The following GFRA2 variants were observed in gnomAD, a reference collection of about 807,000 sequenced individuals.
GFRA2 encodes the protein GDNF family receptor alpha 2.
In GFRA2, 17 loss-of-function variants were observed where a neutral mutation model predicts 48.3. The observed-to-expected ratio is 0.35, with a 90% CI of 0.24 to 0.53. The LOEUF is 0.53. GFRA2 is among the 20% of genes least tolerant of loss of function. GFRA2 has a pLI of 0.93. For missense variants in GFRA2, 660 were observed against 637.3 expected (o/e 1.04, Z -0.38); for synonymous variants, 305 against 257.2 (o/e 1.19, Z -1.78).
intron 4 of GFRA2, among the ~76,000 whole-genome samples, chr8:21,748,974 G>A (rs1349554543): frequency 2.0e-5 from 3 of 151,998 alleles, no homozygotes; most frequent in Admixed American, 6.6e-5. Flanking sequence ...TCAGGTCAAG[G>A]CCCCCTCCTC....
chr8:21,771,942 C>T (rs1806456799), intron 3 of GFRA2, among the ~76,000 whole-genome samples: 2 of 152,122 alleles, frequency 1.3e-5, no homozygotes, highest in African/African-American at 4.8e-5. Context: ...AATGCCAAAG[C>T]TCTAGTGCAG....
chr8:21,751,120 G>C (rs547570369), intron 3 of GFRA2, among the ~76,000 whole-genome samples, 178 bp from the exon 4 acceptor site: 90 of 152,170 alleles, frequency 5.9e-4, no homozygotes, highest in Non-Finnish European at 1.2e-3. Flanking sequence ...CTAAAGCTGT[G>C]GTGAGGAGTA....
At chr8:21,719,039 G>A (rs1370630146) in intron 4 of GFRA2, among the ~76,000 whole-genome samples, 1 of 152,082 alleles carries the variant, frequency 6.6e-6, no homozygotes, top group East Asian at 1.9e-4. Context: ...CATCCAGCCT[G>A]GAGCTCACCC....
At chr8:21,725,578 C>T (rs950603749) in intron 4 of GFRA2, among the ~76,000 whole-genome samples, 1 of 152,212 alleles carries the variant, frequency 6.6e-6, no homozygotes, top group Non-Finnish European at 1.5e-5. Flanking sequence ...ATAATAATAA[C>T]TAACAATTTT....
At chr8:21,701,435 T>G (rs1009763744) in intron 7 of GFRA2, among the ~76,000 whole-genome samples, 3 of 152,148 alleles carry the variant, frequency 2.0e-5, no homozygotes, top group Non-Finnish European at 4.4e-5. Context: ...TAATTAAAAC[T>G]GAATCAGAGG....
At chr8:21,787,280 G>C (rs1446831134) in intron 1 of GFRA2, among the ~76,000 whole-genome samples, 1 of 149,994 alleles carries the variant, frequency 6.7e-6, no homozygotes, top group Non-Finnish European at 1.5e-5. Flanking sequence ...GGCAGTGGGG[G>C]GGGTTTGCAG....
At chr8:21,723,744 G>C (rs538162281) in intron 4 of GFRA2, among the ~76,000 whole-genome samples, 31 of 152,274 alleles carry the variant, frequency 2.0e-4, no homozygotes, top group African/African-American at 7.0e-4. Context: ...CCACTCACTC[G>C]TCCTCTTCTC....
chr8:21,725,760 T>C (rs1222482301), intron 4 of GFRA2, among the ~76,000 whole-genome samples: 1 of 152,194 alleles, frequency 6.6e-6, no homozygotes, highest in African/African-American at 2.4e-5. Context: ...GGGCCTGGAC[T>C]TGAACCCAGG....
rs1293939443 is a variant in GFRA2 at position 21,693,224 on chromosome 8, C to A, written c.*54G>T. 6.5e-7 allele frequency: 1 copy of A among 1,546,636 alleles called. No individual in the cohort carries two copies. The highest frequency in any genetic ancestry group is 8.8e-7 in the Non-Finnish European group (1 of 1,140,576). On this transcript the variant is annotated 3_prime_UTR_variant, in exon 9 of 9. Coordinates refer to ENST00000524240, the MANE Select transcript of GFRA2 (RefSeq NM_001495.5). ...CTGTGTGTGTTTCCATTTCGTCAGGCGGCTGTTCTTGTCTGCGTAGCTTTC... is the reference window on the plus strand; with the variant it reads ...CTGTGTGTGTTTCCATTTCGTCAGGAGGCTGTTCTTGTCTGCGTAGCTTTC...
At position 21,787,849 on chromosome 8, in the gene GFRA2, G is replaced by A. The variant is rs911139418; in HGVS notation, c.40+271C>T. Among the ~76,000 whole-genome samples the A allele has an allele frequency of 4.3e-4, 66 of 152,256 alleles. 2 individuals carry two copies. The South Asian group carries it at 0.012, about 28-fold the overall frequency. On this transcript the variant is annotated intron_variant, in intron 1 of 8. Transcript: ENST00000524240. Reference sequence around the variant, plus strand: ...CTATACTGGCGTGTGAGCGAGCGCGGGTGTGTGTGTGCGTGCACAGTGTCT... The same window carrying A: ...CTATACTGGCGTGTGAGCGAGCGCGAGTGTGTGTGTGCGTGCACAGTGTCT...
chr8:21,758,205 CCACA>C (rs68120271), intron 3 of GFRA2, among the ~76,000 whole-genome samples: 50 of 89,188 alleles, frequency 5.6e-4, no homozygotes, highest in African/African-American at 1.5e-3. Context: ...GGCCCACTCC[CCACA>C]CACACACACA....
chr8:21,733,273 CT>C (rs765941045), intron 4 of GFRA2, among the ~76,000 whole-genome samples: 10 of 152,270 alleles, frequency 6.6e-5, no homozygotes, highest in Middle Eastern at 6.8e-3. Flanking sequence ...CCGACCTCCC[CT>C]GCCTTTCCCA....
At chr8:21,768,972 C>G (rs1453849043) in intron 3 of GFRA2, 1 of 154,280 alleles carries the variant, frequency 6.5e-6, no homozygotes, top group Admixed American at 6.5e-5. Context: ...GAACATCATT[C>G]CCACATCGCA....
At chr8:21,775,158 G>A (rs1289603643) in intron 2 of GFRA2, 103 bp from the exon 3 acceptor site, 41 of 691,644 alleles carry the variant, frequency 5.9e-5, no homozygotes, top group South Asian at 1.3e-4. Flanking sequence ...GGGAAAGCTC[G>A]TGCCACCCAA....
intron 2 of GFRA2, among the ~76,000 whole-genome samples, chr8:21,794,506 C>T (rs913817731): frequency 1.1e-4 from 16 of 152,196 alleles, no homozygotes; most frequent in African/African-American, 3.6e-4. Flanking sequence ...CCGCCTTGGC[C>T]TCCCAAAGTG....
chr8:21,697,980 G>C (rs947948993), intron 7 of GFRA2, among the ~76,000 whole-genome samples: 6 of 152,190 alleles, frequency 3.9e-5, no homozygotes, highest in African/African-American at 1.4e-4. Context: ...CCCAGTCTCA[G>C]GTATGTCTTT....
At chr8:21,805,217 C>T (rs1807838167) in intron 1 of GFRA2, 1 of 152,246 alleles carries the variant, frequency 6.6e-6, no homozygotes, top group South Asian at 2.1e-4. Context: ...TGAGCCCCTC[C>T]CCTCCATCCT....
intron 7 of GFRA2, among the ~76,000 whole-genome samples, chr8:21,699,081 G>A (rs542460959): frequency 2.0e-4 from 31 of 152,314 alleles, no homozygotes; most frequent in African/African-American, 6.7e-4. Flanking sequence ...GCTTCATCCT[G>A]TCAATCCTCC....
chr8:21,755,757 G>A (rs1440388038), intron 3 of GFRA2, among the ~76,000 whole-genome samples: 2 of 152,226 alleles, frequency 1.3e-5, no homozygotes, highest in African/African-American at 2.4e-5. Context: ...AGGTGCAATC[G>A]CTGGGAGGAA....
Sources: gnomAD v4.1 joint callset for allele counts (sites outside exome capture counted in the v4.1 genomes callset) on GRCh38, gnomAD v4.1.1 for gene constraint, MANE v1.5 for transcripts, NCBI Gene and HGNC (gene_info 2026-07-23, HGNC 2026-07-21) for gene names.